The following MYOCD variants were observed in gnomAD, a reference collection of about 807,000 sequenced individuals.
The protein encoded by MYOCD is myocardin.
MYOCD carries 32 observed loss-of-function variants against 96.1 expected under a neutral mutation model. The observed-to-expected ratio is 0.33, with a 90% CI of 0.25 to 0.45. The LOEUF is 0.45. Ranked by LOEUF, MYOCD falls within the 20% of genes least tolerant of loss-of-function variation. MYOCD has a pLI of 1.00. For missense variants in MYOCD, 1,133 were observed against 1,200.6 expected, an observed-to-expected ratio of 0.94 and a Z score of 0.83; for synonymous variants, 469 against 469.0, an observed-to-expected ratio of 1.00 and a Z score of 0.00.
intron 2 of MYOCD, among the ~76,000 whole-genome samples, chr17:12,712,241 G>A (rs1010235572): frequency 6.6e-6 from 1 of 152,156 alleles, no homozygotes; most frequent in African/African-American, 2.4e-5. Context: ...TGCACTCGTT[G>A]CCGCCCCAAG....
chr17:12,739,051 A>G (rs1178819434), intron 6 of MYOCD, 152 bp from the exon 7 acceptor site: 1 of 761,026 alleles, frequency 1.3e-6, no homozygotes, highest in African/African-American at 1.7e-5. Context: ...ACATATACGT[A>G]TGTGACTCCT....
Position 12,752,723 on chromosome 17 carries a change from T to C in MYOCD, c.1435T>C (p.Ser479Pro). ...GSLPDTFNDA[S>P]PSFGLHPSPV... ...CCTGCCGGACACCTTCAATGATGCC[T>C]CCCCCTCCTTCGGCCTGCACCCGTC... Residue 479 changes from serine (S) to proline (P), a missense_variant, in exon 10 of 14, where the codon TCC becomes CCC. Physicochemically the swap from Ser to Pro is moderately conservative, Grantham distance 74. Transcript: ENST00000425538. 1 of 1,613,908 alleles carries C rather than the reference T, an allele frequency of 6.2e-7. No individual in the cohort carries two copies. The highest frequency in any genetic ancestry group is 8.5e-7 in the Non-Finnish European group (1 of 1,179,976).
At chr17:12,740,271 C>T (rs924570421) in intron 7 of MYOCD, among the ~76,000 whole-genome samples, 1 of 152,198 alleles carries the variant, frequency 6.6e-6, no homozygotes, top group African/African-American at 2.4e-5. Context: ...GTGCACCCGT[C>T]ACCTGAGCAG....
intron 2 of MYOCD, 77 bp from the exon 3 acceptor site, chr17:12,715,442 G>A (rs1203806037): frequency 7.0e-6 from 9 of 1,279,516 alleles, no homozygotes; most frequent in Non-Finnish European, 1.0e-5. Context: ...AGCTCAGCAA[G>A]CACACCAGCA....
At chr17:12,674,681 A>T (rs1300020891) in intron 1 of MYOCD, among the ~76,000 whole-genome samples, 4 of 152,244 alleles carry the variant, frequency 2.6e-5, no homozygotes, top group Non-Finnish European at 5.9e-5. Flanking sequence ...TTAACCTCTG[A>T]TAACAGTGGC....
chr17:12,739,580 A>T (rs2150706829), intron 7 of MYOCD, among the ~76,000 whole-genome samples: 2 of 152,364 alleles, frequency 1.3e-5, no homozygotes, highest in South Asian at 4.1e-4. Context: ...CAGTCCAGCC[A>T]GCACGTTCCC....
intron 10 of MYOCD, among the ~76,000 whole-genome samples, chr17:12,754,278 AT>A (rs200745878): frequency 0.014 from 2,171 of 152,082 alleles, 60 homozygotes; most frequent in African/African-American, 0.051. Flanking sequence ...CTATTTTTGT[AT>A]TTTTAGTAGA....
intron 5 of MYOCD, among the ~76,000 whole-genome samples, chr17:12,730,604 C>T (rs1325573682): frequency 6.6e-6 from 1 of 152,134 alleles, no homozygotes; most frequent in African/African-American, 2.4e-5. Flanking sequence ...GTTAGATAGT[C>T]CAATCAGTCT....
rs577181772 is a variant in MYOCD at position 12,744,156 on chromosome 17, C to T, written c.718-27C>T. 2.5e-6 allele frequency: 4 copies of T among 1,610,028 alleles called. 1 individual carries two copies. Among genetic ancestry groups the T allele is most frequent in the African/African-American group, 2.7e-5 (2 of 74,894 alleles). On this transcript the variant is annotated intron_variant, in intron 7 of 13. Coordinates refer to ENST00000425538, the MANE Select transcript of MYOCD (RefSeq NM_001146312.3). ...TCATTCTCAGCCATCACCTAAAGCA[C>T]ATGCAATTTCCTCATCTTCTTTGCA...
At chr17:12,756,642 G>A (rs2033020512) in intron 11 of MYOCD, 85 bp downstream of exon 11, 1 of 1,242,646 alleles carries the variant, frequency 8.0e-7, no homozygotes, top group African/African-American at 1.6e-5. Flanking sequence ...GTTGCAGTGA[G>A]CCGAGATCGC....
chr17:12,763,165 A>G lies in MYOCD; in HGVS notation c.2482A>G (p.Lys828Glu), dbSNP rs770622487. 1 of 1,614,172 alleles carries G rather than the reference A, an allele frequency of 6.2e-7. No homozygotes were observed. The highest frequency in any genetic ancestry group is 8.5e-7 in the Non-Finnish European group (1 of 1,180,030). ...SSRSPTAVLT[K>E]PSASFEQASS... Reference sequence around the variant, plus strand: ...CCGAAGTCCAACTGCTGTCCTCACCAAGCCCTCGGCTTCCTTTGAACAAGC... The same window carrying G: ...CCGAAGTCCAACTGCTGTCCTCACCGAGCCCTCGGCTTCCTTTGAACAAGC... Residue 828 changes from lysine (K) to glutamate (E), a missense_variant, in exon 14 of 14, where the codon AAG (lysine) becomes GAG (glutamate). Transcript: ENST00000425538.
intron 5 of MYOCD, among the ~76,000 whole-genome samples, chr17:12,730,267 G>A (rs990786748): frequency 3.3e-5 from 5 of 151,942 alleles, no homozygotes; most frequent in African/African-American, 1.2e-4. Flanking sequence ...TGACCAACGT[G>A]GAGAAACCCC....
At chr17:12,688,540 CCTTCCAT>C (rs2030259250) in intron 1 of MYOCD, among the ~76,000 whole-genome samples, 1 of 103,838 alleles carries the variant, frequency 9.6e-6, no homozygotes, top group Non-Finnish European at 1.8e-5. Flanking sequence ...TTCCTTCCTT[CCTTCCAT>C]CTTCTTCCTT....
At position 12,674,008 on chromosome 17, in the gene MYOCD, A is replaced by T. The variant is rs574449192; in HGVS notation, c.55+7765A>T. Among the ~76,000 whole-genome samples the T allele has an allele frequency of 2.0e-5, 3 of 150,828 alleles. No homozygotes were observed. The East Asian group carries it at 5.8e-4, about 29-fold the overall frequency. On this transcript the variant is annotated intron_variant, in intron 1 of 13. Coordinates refer to ENST00000425538, the MANE Select transcript of MYOCD (RefSeq NM_001146312.3). ...CTATTTAGGGACCACGTGTTACCAA[A>T]TATGACTCATGCCTCATCAAAAGGG... is the stretch of plus-strand genomic sequence containing the variant.
chr17:12,690,401 A>C (rs2030384516), intron 1 of MYOCD, among the ~76,000 whole-genome samples: 1 of 152,186 alleles, frequency 6.6e-6, no homozygotes, highest in African/African-American at 2.4e-5. Flanking sequence ...TAGTCCTGGT[A>C]AGAGTACAAA....
intron 1 of MYOCD, among the ~76,000 whole-genome samples, chr17:12,667,638 G>A (rs1385466595): frequency 6.6e-6 from 1 of 152,220 alleles, no homozygotes; most frequent in South Asian, 2.1e-4. Flanking sequence ...TAAATGTGGA[G>A]GGTCTGGGGG....
chr17:12,757,498 A>T (rs1253461532), intron 11 of MYOCD, among the ~76,000 whole-genome samples: 4 of 151,936 alleles, frequency 2.6e-5, no homozygotes, highest in East Asian at 1.9e-4. Context: ...TTTTTTATTT[A>T]TTATTTATTT....
chr17:12,722,738 G>A lies in MYOCD; in HGVS notation c.254-109G>A. ...ATTGCATCGAAAAATTATTAGGATG[G>A]TAGAGCACAATGTGACACAATCGTT... is the stretch of plus-strand genomic sequence containing the variant. On this transcript the variant is annotated intron_variant, in intron 4 of 13. Transcript: ENST00000425538. 8 of 867,676 alleles carry A rather than the reference G, an allele frequency of 9.2e-6. No homozygotes were observed. The South Asian group carries it at 1.2e-4, about 13-fold the overall frequency. 53.7% of individuals were successfully genotyped at this position (867,676 alleles called of 1,614,324 possible). A position where few individuals can be genotyped will look rare whatever the true frequency, so the allele number is the denominator to read the frequency against.
intron 1 of MYOCD, among the ~76,000 whole-genome samples, chr17:12,702,372 T>C (rs930639279): frequency 5.9e-5 from 9 of 152,032 alleles, no homozygotes; most frequent in African/African-American, 1.9e-4. Context: ...AGCTTTCTTA[T>C]GCTTGCTGTC....
Sources: allele counts gnomAD v4.1 joint callset (sites outside exome capture counted in the v4.1 genomes callset), GRCh38; gene constraint gnomAD v4.1.1; transcripts MANE v1.5; gene names NCBI Gene and HGNC (gene_info 2026-07-23, HGNC 2026-07-21).